Variants in ZBTB40 observed in about 807,000 individuals in gnomAD.
The protein encoded by ZBTB40 is zinc finger and BTB domain-containing protein 40.
ZBTB40 carries 60 observed loss-of-function variants against 117.5 expected under a neutral mutation model. The ratio of observed to expected loss-of-function variants is 0.51; its 90% CI spans 0.41 to 0.63. The LOEUF (loss-of-function observed/expected upper bound fraction) is 0.63. Among genes scored for constraint, ZBTB40 ranks in the 30% least tolerant of loss-of-function variants. The probability of loss-of-function intolerance (pLI) is 0.00; values close to 1 mark genes in which losing one functional copy is unlikely to be tolerated. For synonymous variants in ZBTB40, 525 were observed against 577.1 expected, an observed-to-expected ratio of 0.91 and a Z score of 1.29; for missense variants, 1,287 against 1,498.5, an observed-to-expected ratio of 0.86 and a Z score of 2.33.
At chr1:22,435,026 T>G (rs1640651941) in intron 1 of ZBTB40, among the ~76,000 whole-genome samples, 1 of 152,002 alleles carries the variant, frequency 6.6e-6, no homozygotes. Context: ...TAATTTTTTT[T>G]TTTTTTTTAG....
At chr1:22,518,030 G>A (rs990277789) in intron 13 of ZBTB40, among the ~76,000 whole-genome samples, 13 of 152,184 alleles carry the variant, frequency 8.5e-5, no homozygotes, top group Admixed American at 2.0e-4. Context: ...GCGTGCATGC[G>A]TGGGCACACA....
At chr1:22,449,949 T>C (rs1030419638), upstream of ZBTB40, among the ~76,000 whole-genome samples, 3 of 148,304 alleles carry the variant, frequency 2.0e-5, 1 homozygote, top group Admixed American at 1.5e-4. Context: ...TATTTCTCTT[T>C]TTTTTTTTTT....
chr1:22,431,736 CA>C (rs60274075), intron 1 of ZBTB40, among the ~76,000 whole-genome samples: 11 of 148,408 alleles, frequency 7.4e-5, no homozygotes, highest in South Asian at 2.1e-4. Context: ...AATGCCATCT[CA>C]AAAAAAAAAA....
At chr1:22,521,702 GGT>G (rs767911930) in intron 15 of ZBTB40, 44 bp downstream of exon 15, 47 of 1,613,358 alleles carry the variant, frequency 2.9e-5, no homozygotes, top group Non-Finnish European at 3.9e-5. Flanking sequence ...GGGGCTTGAT[GGT>G]GTAGCCTCCT....
chr1:22,528,459 C>T lies in ZBTB40; in HGVS notation c.*2063C>T, dbSNP rs1165825400. Reference sequence around the variant, plus strand: ...AAAACAAACAACAACAAAAAAAACTCTTCGGAATAAAGAGGGCTGTAAATT... The same window carrying T: ...AAAACAAACAACAACAAAAAAAACTTTTCGGAATAAAGAGGGCTGTAAATT... On this transcript the variant is annotated 3_prime_UTR_variant, in exon 18 of 18. Transcript: ENST00000375647. 1 of 152,318 alleles carries T rather than the reference C, an allele frequency of 6.6e-6. No homozygotes were observed. The highest frequency in any genetic ancestry group is 2.4e-5 in the African/African-American group (1 of 41,432). 9.4% of individuals were successfully genotyped at this position (152,318 alleles called of 1,614,324 possible).
At chr1:22,432,952 A>T (rs1158336323) in intron 1 of ZBTB40, among the ~76,000 whole-genome samples, 1 of 152,226 alleles carries the variant, frequency 6.6e-6, no homozygotes, top group Non-Finnish European at 1.5e-5. Context: ...TATATAGCAG[A>T]CAAATTTGAA....
At position 22,517,286 on chromosome 1, in the gene ZBTB40, C is replaced by G; in HGVS notation, c.2669-14C>G. On this transcript the variant is annotated splice_polypyrimidine_tract_variant and intron_variant, in intron 12 of 17. Transcript: ENST00000375647. The stretch of plus-strand genomic sequence containing the variant: ...TTTTAGTGCTGACTCTAATAAGCTC[C>G]TGTGTATTTGCAGGGAAAATGTATG... The G allele has an allele frequency of 6.2e-7, 1 of 1,613,854 alleles. No individual in the cohort carries two copies. Among genetic ancestry groups the G allele is most frequent in the Non-Finnish European group, 8.5e-7 (1 of 1,180,048 alleles).
chr1:22,441,581 C>G (rs2124367349), intron 1 of ZBTB40, among the ~76,000 whole-genome samples: 1 of 138,776 alleles, frequency 7.2e-6, no homozygotes, highest in South Asian at 2.4e-4. Context: ...CTCCTGTGTT[C>G]AAGTGATTCT....
chr1:22,459,493 T>G (rs1271677969), intron 1 of ZBTB40, among the ~76,000 whole-genome samples: 2 of 152,242 alleles, frequency 1.3e-5, no homozygotes, highest in Non-Finnish European at 2.9e-5. Context: ...ATGCTGTCTT[T>G]ATTGAATACT....
intron 1 of ZBTB40, among the ~76,000 whole-genome samples, chr1:22,433,452 A>AAAAAAAAAAAAAAAAAAAAAAAC (rs1640627354): frequency 7.0e-6 from 1 of 141,970 alleles, no homozygotes; most frequent in Non-Finnish European, 1.5e-5. Context: ...AAAAAAAAAA[A>AAAAAAAAAAAAAAAAAAAAAAAC]AAAAAGACAG....
At chr1:22,504,863 C>G (rs893533566) in intron 5 of ZBTB40, among the ~76,000 whole-genome samples, 2 of 152,198 alleles carry the variant, frequency 1.3e-5, no homozygotes, top group East Asian at 3.8e-4. Context: ...CTGGCTGCCT[C>G]TTTGTATATC....
intron 1 of ZBTB40, among the ~76,000 whole-genome samples, chr1:22,443,481 T>G (rs1302365900): frequency 1.3e-5 from 2 of 152,248 alleles, no homozygotes; most frequent in Non-Finnish European, 2.9e-5. Flanking sequence ...TTAAGCTTTA[T>G]CTAAAGAGTT....
intron 1 of ZBTB40, among the ~76,000 whole-genome samples, chr1:22,482,730 G>T (rs1388396211): frequency 6.6e-6 from 1 of 152,074 alleles, no homozygotes; most frequent in African/African-American, 2.4e-5. Context: ...CATATATTTG[G>T]AATTATAAAG....
intron 1 of ZBTB40, among the ~76,000 whole-genome samples, chr1:22,439,905 T>A (rs1317304008): frequency 6.6e-6 from 1 of 152,246 alleles, no homozygotes; most frequent in Non-Finnish European, 1.5e-5. Flanking sequence ...AATCCATAGA[T>A]AGCTTTTGGT....
chr1:22,501,685 G>A lies in ZBTB40; in HGVS notation c.1024+1G>A, dbSNP rs529785824. The A allele has an allele frequency of 3.0e-5, 48 of 1,613,278 alleles. No homozygotes were observed. The highest frequency in any genetic ancestry group is 4.1e-5 in the Non-Finnish European group (48 of 1,179,892). ...GATGTAGACACAGTGCAGCCAAAAGGTAGGAGAAGATCCTATGCATTGGAA... is the reference window on the plus strand; with the variant it reads ...GATGTAGACACAGTGCAGCCAAAAGATAGGAGAAGATCCTATGCATTGGAA... On this transcript the variant is annotated splice_donor_variant, in intron 4 of 17. Transcript: ENST00000375647. LOFTEE classifies it high-confidence loss of function.
rs141710799 is a variant in ZBTB40 at position 22,490,335 on chromosome 1, C to T, written c.387C>T (p.Val129=). The part of the protein sequence containing the change: ...CSVQGQVVRD[V]SAPSSETFRK... ...TTCAGGGTCAGGTGGTAAGGGATGT[C>T]TCTGCGCCATCCTCAGAGACATTCA... The change falls in exon 2 of 18, where the codon GTC becomes GTT. Residue 129 remains valine (V), a synonymous_variant. Transcript: ENST00000375647. 6.2e-7 allele frequency: 1 copy of T among 1,614,158 alleles called. No homozygotes were observed.
chr1:22,509,364 T>G (rs1639169362), intron 9 of ZBTB40, 131 bp downstream of exon 9: 1 of 1,339,318 alleles, frequency 7.5e-7, no homozygotes, highest in Non-Finnish European at 1.0e-6. Context: ...TTTTCTCTTT[T>G]GAGACAGAGT....
intron 4 of ZBTB40, 59 bp downstream of exon 4, chr1:22,501,743 A>G: frequency 6.4e-7 from 1 of 1,557,894 alleles, no homozygotes; most frequent in Non-Finnish European, 8.8e-7. Context: ...GATGCTATGA[A>G]GTTTGTTCCA....
At position 22,526,400 on chromosome 1, in the gene ZBTB40, G is replaced by T. The variant is rs1639679642; in HGVS notation, c.*4G>T. On this transcript the variant is annotated 3_prime_UTR_variant, in exon 18 of 18. Transcript: ENST00000375647. ...GATCTGTGGTGAGGCCAAATGAGCA[G>T]CCTTTCATCCGGCAGAGCCTTCCTG... 9 of 1,613,888 alleles carry T rather than the reference G, an allele frequency of 5.6e-6. No individual in the cohort carries two copies. The highest frequency in any genetic ancestry group is 1.3e-5 in the African/African-American group (1 of 74,944).
Sources: gnomAD v4.1 joint callset for allele counts (sites outside exome capture counted in the v4.1 genomes callset) on GRCh38, gnomAD v4.1.1 for gene constraint, MANE v1.5 for transcripts, NCBI Gene and HGNC (gene_info 2026-07-23, HGNC 2026-07-21) for gene names.